Variants in PHEX observed in about 807,000 individuals in gnomAD.
The protein encoded by PHEX is phosphate-regulating neutral endopeptidase PHEX.
A neutral mutation model predicts 68.0 loss-of-function variants in PHEX; 16 were observed. That is an observed-to-expected ratio of 0.24 (90% CI 0.16 to 0.36). The LOEUF (loss-of-function observed/expected upper bound fraction) is 0.36. Ranked by LOEUF, PHEX falls within the 10% of genes least tolerant of loss-of-function variation. The pLI, the probability that PHEX is intolerant of heterozygous loss-of-function variation, is 1.00. For synonymous variants in PHEX, 208 were observed against 205.1 expected (o/e 1.01, Z -0.12); for missense variants, 480 against 575.5 (o/e 0.83, Z 1.70).
At position 22,217,201 on chromosome X, in the gene PHEX, A is replaced by G. The variant is rs1935123269; in HGVS notation, c.1701-1835A>G. The stretch of plus-strand genomic sequence containing the variant: ...AAAAACTAAATGTTGCAATCTGCAC[A>G]CTGATAGCTACTGCCGCAAAAATTA... On this transcript the variant is annotated intron_variant, in intron 16 of 21. Coordinates refer to ENST00000379374, the MANE Select transcript of PHEX (RefSeq NM_000444.6). 2.7e-5 allele frequency among the ~76,000 whole-genome samples: 3 copies of G among 112,212 alleles called. No individual in the cohort carries two copies. The South Asian group carries it at 1.1e-3, about 42-fold the overall frequency.
At chrX:22,237,521 C>T (rs774376693) in intron 20 of PHEX, among the ~76,000 whole-genome samples, 92 of 111,709 alleles carry the variant, frequency 8.2e-4, no homozygotes, top group African/African-American at 2.9e-3. Flanking sequence ...TTCCTGGTAT[C>T]TATAAATAAT....
intron 12 of PHEX, among the ~76,000 whole-genome samples, chrX:22,165,654 A>G (rs180925919): frequency 9.0e-6 from 1 of 111,672 alleles, no homozygotes; most frequent in Admixed American, 9.5e-5. Flanking sequence ...GAAAAAACAT[A>G]GATGCTGGAG....
intron 20 of PHEX, among the ~76,000 whole-genome samples, chrX:22,238,503 G>A (rs1569439708): frequency 8.9e-6 from 1 of 111,957 alleles, no homozygotes; most frequent in African/African-American, 3.2e-5. Context: ...AGCCCAGCAA[G>A]CTGAGATCCA....
intron 2 of PHEX, among the ~76,000 whole-genome samples, chrX:22,042,019 T>C (rs1416675734): frequency 9.0e-6 from 1 of 111,570 alleles, no homozygotes; most frequent in Non-Finnish European, 1.9e-5. Context: ...CAGTTCTCTT[T>C]AGTGTAACGT....
intron 12 of PHEX, among the ~76,000 whole-genome samples, chrX:22,144,219 T>C (rs1436548850): frequency 9.0e-6 from 1 of 111,313 alleles, no homozygotes; most frequent in African/African-American, 3.3e-5. Context: ...TGTTCATTTT[T>C]TTTTCCCAAG....
rs554669457 is a variant in PHEX, at chrX:22,091,215, A to G, written c.732+718A>G. ...AGAAGGCTCTGGAGGGAAGCTAACT[A>G]AGATGCTGGGCAGCTTTCTTGCTGA... On this transcript the variant is annotated intron_variant, in intron 6 of 21. Coordinates refer to ENST00000379374, the MANE Select transcript of PHEX (RefSeq NM_000444.6). Among the ~76,000 whole-genome samples, 10 of 111,878 alleles carry G rather than the reference A, an allele frequency of 8.9e-5. No individual in the cohort carries two copies. The South Asian group carries it at 3.8e-3, about 42-fold the overall frequency.
chrX:22,146,604 G>A (rs1339296600), intron 12 of PHEX, among the ~76,000 whole-genome samples: 1 of 111,110 alleles, frequency 9.0e-6, no homozygotes, highest in East Asian at 2.8e-4. Flanking sequence ...ATCACTTGAG[G>A]CCAGAAGTTT....
At chrX:22,068,128 G>A (rs1391711973) in intron 3 of PHEX, among the ~76,000 whole-genome samples, 1 of 110,609 alleles carries the variant, frequency 9.0e-6, no homozygotes, top group Admixed American at 9.6e-5. Flanking sequence ...GTGAGCCACC[G>A]CGCCTGGCCT....
intron 11 of PHEX, among the ~76,000 whole-genome samples, chrX:22,129,551 C>A (rs1339074191): frequency 9.0e-6 from 1 of 111,385 alleles, no homozygotes; most frequent in Non-Finnish European, 1.9e-5. Flanking sequence ...TTAGATTCTT[C>A]TGCATGCCTG....
intron 15 of PHEX, among the ~76,000 whole-genome samples, chrX:22,205,761 TATG>T (rs1455173986): frequency 1.8e-5 from 2 of 111,427 alleles, no homozygotes; most frequent in East Asian, 2.8e-4. Context: ...ATATTTTCTG[TATG>T]ATAACTTTTC....
chrX:22,171,774 GTT>G (rs776774196), intron 13 of PHEX: 10 of 112,188 alleles, frequency 8.9e-5, no homozygotes, highest in Middle Eastern at 4.6e-3. Context: ...ACTGTTTTCA[GTT>G]TTAAGAAACA....
chrX:22,241,019 G>A (rs1936172780), intron 20 of PHEX, among the ~76,000 whole-genome samples: 1 of 111,647 alleles, frequency 9.0e-6, no homozygotes, highest in African/African-American at 3.3e-5. Context: ...TGACCACATA[G>A]TTGGAGGTAA....
At chrX:22,158,372 G>T (rs993006928) in intron 12 of PHEX, among the ~76,000 whole-genome samples, 1 of 112,122 alleles carries the variant, frequency 8.9e-6, no homozygotes, top group Non-Finnish European at 1.9e-5. Flanking sequence ...GCTTAGGAAA[G>T]TTGCCCTATA....
intron 13 of PHEX, among the ~76,000 whole-genome samples, chrX:22,168,781 C>A (rs1284307350): frequency 1.8e-5 from 2 of 112,172 alleles, no homozygotes; most frequent in African/African-American, 6.5e-5. Flanking sequence ...AGTAATAAAT[C>A]TGCCTGCTGG....
chrX:22,127,762 A>G (rs1042539472), intron 11 of PHEX, among the ~76,000 whole-genome samples: 1 of 109,659 alleles, frequency 9.1e-6, no homozygotes, highest in Non-Finnish European at 1.9e-5. Context: ...GAGGTGCCAG[A>G]GAAGACAAGG....
intron 13 of PHEX, among the ~76,000 whole-genome samples, chrX:22,170,487 C>T (rs1221720282): frequency 9.0e-6 from 1 of 111,448 alleles, no homozygotes; most frequent in Non-Finnish European, 1.9e-5. Context: ...CCAATCCCTC[C>T]CATATAGGAT....
chrX:22,224,917 A>G (rs1452515664), intron 18 of PHEX, among the ~76,000 whole-genome samples: 1 of 4,219 alleles, frequency 2.4e-4, no homozygotes, highest in African/African-American at 4.9e-4. Flanking sequence ...ATAACAAGTT[A>G]CTATAAACTT....
chrX:22,118,339 C>CAAAAAAA (rs1157170753), intron 11 of PHEX, among the ~76,000 whole-genome samples: 1 of 21,119 alleles, frequency 4.7e-5, no homozygotes, highest in African/African-American at 1.7e-4. Flanking sequence ...TAAACAGCAC[C>CAAAAAAA]AAAAAAAAAA....
chrX:22,159,492 A>AAACAACAAC (rs58499708), intron 12 of PHEX, among the ~76,000 whole-genome samples: 1 of 111,576 alleles, frequency 9.0e-6, no homozygotes, highest in African/African-American at 3.3e-5. Flanking sequence ...ACAAAAAGGA[A>AAACAACAAC]AACAACAACA....
Sources: gnomAD v4.1 joint callset for allele counts (sites outside exome capture counted in the v4.1 genomes callset) on GRCh38, gnomAD v4.1.1 for gene constraint, MANE v1.5 for transcripts, NCBI Gene and HGNC (gene_info 2026-07-23, HGNC 2026-07-21) for gene names.